Variants in CHKA observed in about 807,000 individuals in gnomAD.
CHKA encodes the protein choline kinase alpha.
Under a neutral mutation model 60.1 loss-of-function variants are expected in CHKA, and 34 were observed. The observed-to-expected ratio is 0.57, with a 90% CI of 0.43 to 0.75. CHKA has a LOEUF of 0.75. CHKA is among the 30% of genes least tolerant of loss of function. The probability of loss-of-function intolerance (pLI) is 0.00; values close to 1 mark genes in which losing one functional copy is unlikely to be tolerated. For missense variants in CHKA, 563 were observed against 561.3 expected (o/e 1.00, Z -0.03); for synonymous variants, 217 against 223.1 (o/e 0.97, Z 0.24).
chr11:68,053,301 G>A lies in CHKA; in HGVS notation c.*687C>T, dbSNP rs1466250890. Reference sequence around the variant, plus strand: ...TGTCTGCACACTCCATCAGGAGGAAGGGCAGGGGAGAAGTCACATGCAGTA... The same window carrying A: ...TGTCTGCACACTCCATCAGGAGGAAAGGCAGGGGAGAAGTCACATGCAGTA... On this transcript the variant is annotated 3_prime_UTR_variant, in exon 12 of 12. Coordinates refer to ENST00000265689, the MANE Select transcript of CHKA (RefSeq NM_001277.3). The A allele has an allele frequency of 6.6e-6, 1 of 152,344 alleles. No homozygotes were observed. The allele number at this position is 152,344 out of a possible 1,614,324, so 9.4% of individuals were successfully genotyped here.
intron 1 of CHKA, among the ~76,000 whole-genome samples, chr11:68,097,675 C>A (rs938413313): frequency 1.3e-5 from 2 of 150,706 alleles, no homozygotes; most frequent in Non-Finnish European, 3.0e-5. Flanking sequence ...ATATTTAAAC[C>A]TTCTTCTCTA....
chr11:68,119,010 C>T (rs772101748), intron 1 of CHKA, among the ~76,000 whole-genome samples: 12 of 152,172 alleles, frequency 7.9e-5, no homozygotes, highest in Non-Finnish European at 1.8e-4. Flanking sequence ...AGCCACTGAC[C>T]TCAGGCAAGT....
At chr11:68,066,113 C>A (rs558011056) in intron 8 of CHKA, among the ~76,000 whole-genome samples, 5 of 152,246 alleles carry the variant, frequency 3.3e-5, no homozygotes, top group South Asian at 2.1e-4. Context: ...TGCACCTGAA[C>A]CACTACTCCA....
chr11:68,077,101 A>G (rs545006017), intron 3 of CHKA, among the ~76,000 whole-genome samples: 70 of 152,284 alleles, frequency 4.6e-4, no homozygotes, highest in Non-Finnish European at 9.1e-4. Flanking sequence ...CTATCTGGGC[A>G]TGGTGGCGGG....
At chr11:68,057,097 T>C (rs976316139) in intron 11 of CHKA, among the ~76,000 whole-genome samples, 1 of 152,194 alleles carries the variant, frequency 6.6e-6, no homozygotes, top group African/African-American at 2.4e-5. Context: ...GGCACCCATC[T>C]GGTGTCCACT....
intron 1 of CHKA, among the ~76,000 whole-genome samples, chr11:68,107,153 T>G (rs1590879366): frequency 6.6e-6 from 1 of 151,792 alleles, no homozygotes; most frequent in Non-Finnish European, 1.5e-5. Context: ...TTGGGAGGCT[T>G]AGGCAGGAGA....
At chr11:68,102,141 C>CAATCTAT (rs1008302492) in intron 1 of CHKA, among the ~76,000 whole-genome samples, 1 of 151,438 alleles carries the variant, frequency 6.6e-6, no homozygotes, top group African/African-American at 2.4e-5. Context: ...CTACCCAAAG[C>CAATCTAT]AATCTATACA....
At chr11:68,118,424 G>C (rs1368597141) in intron 1 of CHKA, among the ~76,000 whole-genome samples, 1 of 152,120 alleles carries the variant, frequency 6.6e-6, no homozygotes, top group Non-Finnish European at 1.5e-5. Flanking sequence ...CTGCGCGACA[G>C]AGTGAAACCC....
intron 1 of CHKA, among the ~76,000 whole-genome samples, chr11:68,118,014 C>T (rs529485978): frequency 7.9e-5 from 12 of 152,248 alleles, no homozygotes; most frequent in East Asian, 5.8e-4. Context: ...AAACGCAGAG[C>T]GAAAGCAGAA....
At chr11:68,081,381 T>C (rs1366737330) in intron 3 of CHKA, 23 bp downstream of exon 3, 3 of 1,607,606 alleles carry the variant, frequency 1.9e-6, no homozygotes, top group African/African-American at 2.7e-5. Flanking sequence ...CTCACACAGA[T>C]GCAGAAAGAC....
intron 10 of CHKA, among the ~76,000 whole-genome samples, chr11:68,063,189 T>A (rs530127289): frequency 6.6e-6 from 1 of 152,232 alleles, no homozygotes; most frequent in African/African-American, 2.4e-5. Context: ...TGGCCGCCAC[T>A]CCAGAAGCAT....
intron 1 of CHKA, among the ~76,000 whole-genome samples, chr11:68,108,973 T>C (rs886838981): frequency 6.6e-6 from 1 of 151,064 alleles, no homozygotes; most frequent in Non-Finnish European, 1.5e-5. Context: ...CTTTGACGAG[T>C]TTTACCTCCA....
At chr11:68,081,689 G>A in intron 2 of CHKA, 1 of 452,552 alleles carries the variant, frequency 2.2e-6, no homozygotes, top group East Asian at 3.7e-5. Flanking sequence ...GTGCCGGTGA[G>A]ACCCGATAGC....
At chr11:68,113,193 C>T (rs1310430798) in intron 1 of CHKA, among the ~76,000 whole-genome samples, 2 of 150,264 alleles carry the variant, frequency 1.3e-5, no homozygotes, top group East Asian at 1.9e-4. Context: ...CCTATAGTCC[C>T]AGATACTTGG....
chr11:68,072,137 T>A (rs1021440347), intron 4 of CHKA, among the ~76,000 whole-genome samples: 6 of 152,082 alleles, frequency 3.9e-5, no homozygotes, highest in African/African-American at 1.4e-4. Flanking sequence ...CCTTCCCCAG[T>A]AGAGAAAGAG....
chr11:68,080,753 C>T (rs897853952), intron 3 of CHKA, among the ~76,000 whole-genome samples: 1 of 152,192 alleles, frequency 6.6e-6, no homozygotes, highest in African/African-American at 2.4e-5. Context: ...GCACATGCAC[C>T]CTTCTCTGTG....
rs1858636382 is a variant in CHKA at position 68,121,194 on chromosome 11, A to G, written c.-17T>C. 1.7e-6 allele frequency: 2 copies of G among 1,162,826 alleles called. No individual in the cohort carries two copies. The highest frequency in any genetic ancestry group is 1.7e-5 in the African/African-American group (1 of 59,944). The allele number at this position is 1,162,826 out of a possible 1,614,324, so 72.0% of individuals were successfully genotyped here. On this transcript the variant is annotated 5_prime_UTR_variant, in exon 1 of 12. Transcript: ENST00000265689. ...GGTTTTCATGCCCGACAGGCGGCCGAGGAGGCGCGGGCGGCCGCAGCGCGA... is the reference window on the plus strand; with the variant it reads ...GGTTTTCATGCCCGACAGGCGGCCGGGGAGGCGCGGGCGGCCGCAGCGCGA...
intron 4 of CHKA, among the ~76,000 whole-genome samples, 155 bp from the exon 5 acceptor site, chr11:68,071,012 G>C (rs1322229171): frequency 6.6e-6 from 1 of 152,202 alleles, no homozygotes; most frequent in Non-Finnish European, 1.5e-5. Context: ...TGTCCCTACA[G>C]ACAGTGACCC....
chr11:68,096,999 A>C lies in CHKA; in HGVS notation c.462+20T>G. 1 of 1,576,968 alleles carries C rather than the reference A, an allele frequency of 6.3e-7. No individual in the cohort carries two copies. Among genetic ancestry groups the C allele is most frequent in the Non-Finnish European group, 8.7e-7 (1 of 1,149,726 alleles). Reference sequence around the variant, plus strand: ...AATGTTAACAGGATCCCCCCCTCCCAAAGTAGCCTACCAACTCACCATCTG... The same window carrying C: ...AATGTTAACAGGATCCCCCCCTCCCCAAGTAGCCTACCAACTCACCATCTG... On this transcript the variant is annotated intron_variant, in intron 2 of 11. Coordinates refer to ENST00000265689, the MANE Select transcript of CHKA (RefSeq NM_001277.3).
Sources: allele counts gnomAD v4.1 joint callset (sites outside exome capture counted in the v4.1 genomes callset), GRCh38; gene constraint gnomAD v4.1.1; transcripts MANE v1.5; gene names NCBI Gene and HGNC (gene_info 2026-07-23, HGNC 2026-07-21).